EYA2: variants seen among roughly 807,000 people sequenced by gnomAD.
The protein encoded by EYA2 is protein phosphatase EYA2.
In EYA2, 31 loss-of-function variants were observed where a neutral mutation model predicts 69.2. That is an observed-to-expected ratio of 0.45 (90% CI 0.34 to 0.60). The LOEUF is 0.60. Among genes scored for constraint, EYA2 ranks in the 20% least tolerant of loss-of-function variants. EYA2 has a pLI of 0.02. For missense variants in EYA2, 622 were observed against 701.2 expected, an observed-to-expected ratio of 0.89 and a Z score of 1.28; for synonymous variants, 257 against 279.4, an observed-to-expected ratio of 0.92 and a Z score of 0.80.
rs576340813 is a variant in EYA2 at position 47,086,079 on chromosome 20, A to G, written c.662-3160A>G. On this transcript the variant is annotated intron_variant, in intron 7 of 15. Coordinates refer to ENST00000327619, the MANE Select transcript of EYA2 (RefSeq NM_005244.5). The stretch of plus-strand genomic sequence containing the variant: ...TGAAATTACTCCAAGAAAGGTTTAC[A>G]TAAATTGTGCTATCCTGTGGATCTC... 3.9e-5 allele frequency among the ~76,000 whole-genome samples: 6 copies of G among 152,380 alleles called. No homozygotes were observed. The East Asian group carries it at 9.6e-4, about 24-fold the overall frequency.
intron 1 of EYA2, among the ~76,000 whole-genome samples, chr20:46,938,392 T>C (rs975506221): frequency 6.6e-6 from 1 of 152,216 alleles, no homozygotes; most frequent in Non-Finnish European, 1.5e-5. Context: ...CAAACTTTAA[T>C]AGATAAAAAA....
intron 5 of EYA2, among the ~76,000 whole-genome samples, chr20:47,064,164 C>T (rs967183203): frequency 2.0e-5 from 3 of 152,166 alleles, no homozygotes; most frequent in Non-Finnish European, 4.4e-5. Context: ...AACATGTTGC[C>T]CAGGCTGATC....
At chr20:47,005,229 T>A in intron 4 of EYA2, 145 bp downstream of exon 4, 1 of 930,996 alleles carries the variant, frequency 1.1e-6, no homozygotes, top group Non-Finnish European at 1.6e-6. Flanking sequence ...AGTAACACTT[T>A]AAATATGGTT....
chr20:47,064,432 G>A (rs1372684922), intron 5 of EYA2, among the ~76,000 whole-genome samples: 1 of 152,184 alleles, frequency 6.6e-6, no homozygotes, highest in Non-Finnish European at 1.5e-5. Flanking sequence ...TGTGAGTAGT[G>A]CTCCTGTGAA....
chr20:47,185,078 G>T (rs1186886140), intron 15 of EYA2, among the ~76,000 whole-genome samples: 1 of 152,038 alleles, frequency 6.6e-6, no homozygotes, highest in Admixed American at 6.6e-5. Context: ...GTAAAATATG[G>T]CCGCAGGACC....
At position 47,180,851 on chromosome 20, in the gene EYA2, A is replaced by G. The variant is rs746752657; in HGVS notation, c.1350A>G (p.Gln450=). 1.9e-6 allele frequency: 3 copies of G among 1,614,186 alleles called. No homozygotes were observed. The highest frequency in any genetic ancestry group is 1.3e-5 in the African/African-American group (1 of 75,040). The change falls in exon 14 of 16, where the codon CAA becomes CAG. Residue 450 remains glutamine (Q), a synonymous_variant. Coordinates refer to ENST00000327619, the MANE Select transcript of EYA2 (RefSeq NM_005244.5). ...TCAATGTGCTGGTCACCACCACTCA[A>G]CTAATTCCTGCCCTGGCCAAAGTCC... ...NCVNVLVTTT[Q]LIPALAKVLL...
At chr20:46,927,703 C>T (rs1004950486) in intron 1 of EYA2, among the ~76,000 whole-genome samples, 8 of 152,130 alleles carry the variant, frequency 5.3e-5, no homozygotes, top group African/African-American at 1.2e-4. Context: ...TCCTACAACA[C>T]GTGGGAATTA....
rs531081424 is a variant in EYA2 at position 46,949,721 on chromosome 20, C to T, written c.-10-40280C>T. ...GGACTGCTCAAGATTGGCTTAAAAG[C>T]TTGATACTTTTATGTAGCTGTTAGG... is the stretch of plus-strand genomic sequence containing the variant. On this transcript the variant is annotated intron_variant, in intron 1 of 15. Coordinates refer to ENST00000327619, the MANE Select transcript of EYA2 (RefSeq NM_005244.5). 6.6e-5 allele frequency among the ~76,000 whole-genome samples: 10 copies of T among 152,314 alleles called. No individual in the cohort carries two copies. In the East Asian group the frequency reaches 1.9e-3, roughly 29 times the overall value.
chr20:46,913,572 A>G (rs570908319), intron 1 of EYA2, among the ~76,000 whole-genome samples: 4 of 126,460 alleles, frequency 3.2e-5, no homozygotes, highest in Non-Finnish European at 5.5e-5. Flanking sequence ...GAAAACCGTT[A>G]AGAGACTGTT....
intron 4 of EYA2, among the ~76,000 whole-genome samples, chr20:47,015,615 C>CA (rs1040096486): frequency 1.2e-4 from 18 of 152,054 alleles, no homozygotes; most frequent in African/African-American, 4.3e-4. Flanking sequence ...CTCACGGTGG[C>CA]ATGTACAAAA....
intron 10 of EYA2, among the ~76,000 whole-genome samples, chr20:47,156,889 A>G (rs1310666664): frequency 6.6e-6 from 1 of 151,912 alleles, no homozygotes; most frequent in Non-Finnish European, 1.5e-5. Context: ...TCTAACGCAA[A>G]TTTGTCAACA....
chr20:46,971,080 T>TACACACACACAC (rs148380754), intron 1 of EYA2, among the ~76,000 whole-genome samples: 7 of 147,176 alleles, frequency 4.8e-5, no homozygotes, highest in African/African-American at 1.8e-4. Flanking sequence ...ATAAAGTTGC[T>TACACACACACAC]ACACACACAC....
intron 4 of EYA2, among the ~76,000 whole-genome samples, chr20:47,011,132 G>T (rs1218268146): frequency 1.3e-5 from 2 of 152,130 alleles, no homozygotes; most frequent in Non-Finnish European, 2.9e-5. Context: ...TATGGATGGT[G>T]CTGGGGTATG....
chr20:47,000,390 A>G (rs996706354), intron 2 of EYA2, among the ~76,000 whole-genome samples: 1 of 152,198 alleles, frequency 6.6e-6, no homozygotes, highest in African/African-American at 2.4e-5. Context: ...TTGCAAGTGC[A>G]CGTTGGTCTC....
chr20:47,182,674 G>A (rs28704946), intron 14 of EYA2, among the ~76,000 whole-genome samples: 4,684 of 147,900 alleles, frequency 0.032, 259 homozygotes, highest in African/African-American at 0.11. Flanking sequence ...AGTGGCTCAC[G>A]CCTGTAATCC....
chr20:47,170,879 C>T (rs2034304358), intron 11 of EYA2, among the ~76,000 whole-genome samples: 1 of 152,192 alleles, frequency 6.6e-6, no homozygotes, highest in African/African-American at 2.4e-5. Flanking sequence ...GGTGTCTCTC[C>T]CAACTTACTG....
chr20:47,085,043 C>T (rs1395375309), intron 7 of EYA2, among the ~76,000 whole-genome samples: 6 of 151,646 alleles, frequency 4.0e-5, no homozygotes, highest in Admixed American at 3.9e-4. Context: ...CATTATGTTG[C>T]CCAGGCTGGT....
In EYA2 at chr20:47,181,770, A is replaced by G. The variant is rs544107083; in HGVS notation, c.1435+834A>G. ...ACTTTGGCAGCATTTTCTTGGAGCA[A>G]TTTTGGTTTTACTGAAGTTCTACGT... On this transcript the variant is annotated intron_variant, in intron 14 of 15. Coordinates refer to ENST00000327619, the MANE Select transcript of EYA2 (RefSeq NM_005244.5). Among the ~76,000 whole-genome samples, 228 of 152,278 alleles carry G rather than the reference A, an allele frequency of 1.5e-3. 3 individuals are homozygous for G. Among genetic ancestry groups the G allele is most frequent in the Non-Finnish European group, 1.2e-3 (85 of 68,018 alleles).
chr20:46,955,090 A>C (rs1024237967), intron 1 of EYA2, among the ~76,000 whole-genome samples: 4 of 149,658 alleles, frequency 2.7e-5, no homozygotes, highest in Non-Finnish European at 5.9e-5. Context: ...CTTCTTTTTC[A>C]TTCTTTTGCT....
Sources: gnomAD v4.1 joint callset for allele counts (sites outside exome capture counted in the v4.1 genomes callset) on GRCh38, gnomAD v4.1.1 for gene constraint, MANE v1.5 for transcripts, NCBI Gene and HGNC (gene_info 2026-07-23, HGNC 2026-07-21) for gene names.